KCNN2: variants seen among roughly 807,000 people sequenced by gnomAD.
The protein encoded by KCNN2 is potassium calcium-activated channel subfamily N member 2.
A neutral mutation model predicts 55.5 loss-of-function variants in KCNN2; 24 were observed. The observed-to-expected ratio is 0.43, with a 90% CI of 0.31 to 0.61. The LOEUF is 0.61. KCNN2 is among the 20% of genes least tolerant of loss of function. The pLI is 0.08. For synonymous variants in KCNN2, 431 were observed against 336.1 expected, an observed-to-expected ratio of 1.28 and a Z score of -3.09; for missense variants, 754 against 853.6, an observed-to-expected ratio of 0.88 and a Z score of 1.45.
At chr5:114,306,967 G>C (rs550158440) in intron 2 of KCNN2, among the ~76,000 whole-genome samples, 22 of 152,056 alleles carry the variant, frequency 1.4e-4, no homozygotes, top group Admixed American at 8.5e-4. Context: ...GCCTCCCAAA[G>C]TGCTGGGATT....
intron 1 of KCNN2, among the ~76,000 whole-genome samples, chr5:114,186,618 T>C (rs1753340238): frequency 6.6e-6 from 1 of 152,194 alleles, no homozygotes; most frequent in South Asian, 2.1e-4. Flanking sequence ...AGGATAATCA[T>C]ATTGGTCTTA....
chr5:114,393,999 T>C (rs1471060969), intron 2 of KCNN2, among the ~76,000 whole-genome samples: 1 of 152,118 alleles, frequency 6.6e-6, no homozygotes. Context: ...TTTTCACTCT[T>C]GCAAATATAT....
At chr5:114,153,966 G>A (rs969326910) in intron 1 of KCNN2, among the ~76,000 whole-genome samples, 1 of 152,134 alleles carries the variant, frequency 6.6e-6, no homozygotes, top group South Asian at 2.1e-4. Context: ...TAAGTTGCAG[G>A]CATTACTCTC....
At chr5:114,383,963 A>T (rs571891213) in intron 2 of KCNN2, among the ~76,000 whole-genome samples, 1 of 152,236 alleles carries the variant, frequency 6.6e-6, no homozygotes, top group Admixed American at 6.5e-5. Context: ...AACAAGCACT[A>T]TGCTAGGTAC....
intron 1 of KCNN2, among the ~76,000 whole-genome samples, chr5:114,060,099 G>T (rs1158210434): frequency 6.6e-6 from 1 of 152,214 alleles, no homozygotes; most frequent in African/African-American, 2.4e-5. Flanking sequence ...TTTAGAAAAT[G>T]GTTGCTAAGG....
At chr5:114,331,440 C>T (rs1007096626) in intron 2 of KCNN2, among the ~76,000 whole-genome samples, 2 of 152,184 alleles carry the variant, frequency 1.3e-5, no homozygotes, top group African/African-American at 4.8e-5. Flanking sequence ...GACATGTTGG[C>T]ATTTTCTTAA....
At chr5:114,422,027 C>T (rs1290550435) in intron 3 of KCNN2, among the ~76,000 whole-genome samples, 1 of 152,088 alleles carries the variant, frequency 6.6e-6, no homozygotes, top group Non-Finnish European at 1.5e-5. Context: ...CTTATGTTTC[C>T]CAGCTTTTTA....
chr5:114,068,391 T>C (rs527525859), intron 1 of KCNN2, among the ~76,000 whole-genome samples: 4 of 152,356 alleles, frequency 2.6e-5, no homozygotes, highest in African/African-American at 9.6e-5. Context: ...ACAAATTTTA[T>C]GGCCACACAT....
At chr5:114,366,596 T>G (rs886935849) in intron 2 of KCNN2, among the ~76,000 whole-genome samples, 9 of 152,320 alleles carry the variant, frequency 5.9e-5, no homozygotes, top group African/African-American at 1.7e-4. Context: ...ATGTTCTAAT[T>G]TGTCCAGAGA....
At chr5:114,419,978 A>G (rs1759426373) in intron 3 of KCNN2, among the ~76,000 whole-genome samples, 1 of 152,260 alleles carries the variant, frequency 6.6e-6, no homozygotes, top group Non-Finnish European at 1.5e-5. Flanking sequence ...AGCCTGGGAA[A>G]CATAGTGAGA....
intron 1 of KCNN2, among the ~76,000 whole-genome samples, chr5:114,145,241 C>G (rs1226242092): frequency 6.6e-6 from 1 of 152,170 alleles, no homozygotes; most frequent in East Asian, 1.9e-4. Context: ...ATCTGTGACC[C>G]TGAGAGCAAT....
rs536849367 is a variant in KCNN2, at chr5:114,373,640, T to TTTTATATATATATATATATATA, written c.1218+9640_1218+9641insTTATATATATATATATATATAT. On this transcript the variant is annotated intron_variant, in intron 2 of 7. Coordinates refer to ENST00000673685, the MANE Select transcript of KCNN2 (RefSeq NM_021614.4). ...CTCTCATGGTGTTGTTATGAAGATT[T>TTTTATATATATATATATATATA]TATATATATATATATATAAAATTAC... Among the ~76,000 whole-genome samples the TTTTATATATATATATATATATA allele has an allele frequency of 1.2e-4, 7 of 56,720 alleles. 1 individual carries two copies. The highest frequency in any genetic ancestry group is 3.2e-4 in the African/African-American group (6 of 19,014). The allele number at this position is 56,720 out of a possible 152,430, so 37.2% of individuals were successfully genotyped here.
At chr5:114,370,447 A>C (rs1757727379) in intron 2 of KCNN2, among the ~76,000 whole-genome samples, 1 of 152,190 alleles carries the variant, frequency 6.6e-6, no homozygotes, top group African/African-American at 2.4e-5. Flanking sequence ...AAAGAGAGAC[A>C]AAAAATTAAT....
intron 3 of KCNN2, among the ~76,000 whole-genome samples, chr5:114,442,146 A>G (rs1760238539): frequency 6.6e-6 from 1 of 152,068 alleles, no homozygotes; most frequent in African/African-American, 2.4e-5. Context: ...AAACAGTACA[A>G]AAGTGACATT....
At chr5:114,071,326 T>C (rs1165949137) in intron 1 of KCNN2, among the ~76,000 whole-genome samples, 1 of 152,168 alleles carries the variant, frequency 6.6e-6, no homozygotes, top group Non-Finnish European at 1.5e-5. Flanking sequence ...AGAAGGGCCT[T>C]CAACTCCTAA....
intron 2 of KCNN2, among the ~76,000 whole-genome samples, chr5:114,317,940 G>C (rs1319863801): frequency 2.0e-5 from 3 of 152,224 alleles, no homozygotes; most frequent in Admixed American, 6.5e-5. Context: ...AGAGATAAGA[G>C]ATAAGGGACT....
chr5:114,137,870 T>G (rs1752204180), intron 1 of KCNN2, among the ~76,000 whole-genome samples: 1 of 152,060 alleles, frequency 6.6e-6, no homozygotes, highest in Admixed American at 6.6e-5. Flanking sequence ...CAATAGGAAG[T>G]GTAATTATGA....
chr5:114,197,126 A>G (rs1489848991), intron 1 of KCNN2, among the ~76,000 whole-genome samples: 2 of 151,994 alleles, frequency 1.3e-5, no homozygotes, highest in African/African-American at 4.8e-5. Flanking sequence ...ATTTTCAGGT[A>G]TTTGTCTATT....
Position 114,272,362 on chromosome 5 carries a change from T to C in KCNN2, c.-185+50797T>C, listed in dbSNP as rs1330970781. ...CACATATATGTATGTACATACCATA[T>C]ACACACACATATGTATGTACATATA... is the stretch of plus-strand genomic sequence containing the variant. On this transcript the variant is annotated intron_variant, in intron 2 of 10. Transcript: ENST00000512097. 1.9e-3 allele frequency among the ~76,000 whole-genome samples: 238 copies of C among 126,360 alleles called. 10 individuals are homozygous for C. The highest frequency in any genetic ancestry group is 6.6e-3 in the African/African-American group (215 of 32,520). The allele number at this position is 126,360 out of a possible 152,430, so 82.9% of individuals were successfully genotyped here.
Sources: gnomAD v4.1 joint callset for allele counts (sites outside exome capture counted in the v4.1 genomes callset) on GRCh38, gnomAD v4.1.1 for gene constraint, MANE v1.5 for transcripts, NCBI Gene and HGNC (gene_info 2026-07-23, HGNC 2026-07-21) for gene names.